The following COL11A1 variants were observed in gnomAD, a reference collection of about 807,000 sequenced individuals.
COL11A1 encodes collagen type XI alpha 1 chain.
Under a neutral mutation model 265.2 loss-of-function variants are expected in COL11A1, and 74 were observed. The ratio of observed to expected loss-of-function variants is 0.28; its 90% confidence interval spans 0.23 to 0.34. The LOEUF (loss-of-function observed/expected upper bound fraction) is 0.34, where lower values mean the gene tolerates loss of function less well. Ranked by LOEUF, COL11A1 falls within the 10% of genes least tolerant of loss-of-function variation. The probability of loss-of-function intolerance (pLI) is 1.00; values close to 1 mark genes in which losing one functional copy is unlikely to be tolerated. For synonymous variants in COL11A1, 816 were observed against 727.6 expected, an observed-to-expected ratio of 1.12 and a Z score of -1.96; for missense variants, 2,165 against 2,263.6, an observed-to-expected ratio of 0.96 and a Z score of 0.88.
chr1:103,090,767 C>A (rs1200371581), intron 1 of COL11A1, among the ~76,000 whole-genome samples: 1 of 152,146 alleles, frequency 6.6e-6, no homozygotes, highest in Non-Finnish European at 1.5e-5. Context: ...TTCTGAACAT[C>A]TTTAATACCA....
intron 4 of COL11A1, among the ~76,000 whole-genome samples, chr1:103,064,007 C>T (rs1361914529): frequency 6.6e-6 from 1 of 151,942 alleles, no homozygotes; most frequent in Admixed American, 6.6e-5. Context: ...AATGAGAAAC[C>T]ACAACATACC....
chr1:102,976,288 G>GTTTTTTTTTTTTTTTTTTT (rs1557893410), intron 35 of COL11A1, among the ~76,000 whole-genome samples: 1 of 45,240 alleles, frequency 2.2e-5, no homozygotes, highest in Non-Finnish European at 5.8e-5. Flanking sequence ...GAAAACGTTG[G>GTTTTTTTTTTTTTTTTTTT]CTTTTTTTTT....
rs199587086 is a variant in COL11A1 at position 102,996,931 on chromosome 1, T to G, written c.2241+149A>C. On this transcript the variant is annotated intron_variant, in intron 26 of 66. Coordinates refer to ENST00000370096, the MANE Select transcript of COL11A1 (RefSeq NM_001854.4). ...AACATAGTCTAATTTCTAAAATTAC[T>G]GATATAAAATTAAAAGTAGTCTAAG... The G allele has an allele frequency of 7.2e-6, 5 of 697,684 alleles. No individual in the cohort carries two copies. The East Asian group carries it at 1.3e-4, about 19-fold the overall frequency. 43.2% of individuals were successfully genotyped at this position (697,684 alleles called of 1,614,324 possible). A position where few individuals can be genotyped will look rare whatever the true frequency, so the allele number is the denominator to read the frequency against.
At chr1:102,994,297 G>A (rs1664415616) in intron 28 of COL11A1, among the ~76,000 whole-genome samples, 1 of 152,132 alleles carries the variant, frequency 6.6e-6, no homozygotes, top group Admixed American at 6.6e-5. Flanking sequence ...CTGGTGGGGG[G>A]TGATAGGATC....
At chr1:103,065,275 C>T (rs1025750055) in intron 4 of COL11A1, among the ~76,000 whole-genome samples, 4 of 152,078 alleles carry the variant, frequency 2.6e-5, no homozygotes, top group Non-Finnish European at 5.9e-5. Flanking sequence ...AATCCCAGCA[C>T]TTTGGGAGGC....
intron 42 of COL11A1, among the ~76,000 whole-genome samples, chr1:102,942,545 A>C (rs1361439446): frequency 7.6e-6 from 1 of 131,668 alleles, no homozygotes; most frequent in East Asian, 3.1e-4. Context: ...TTATTTCACC[A>C]CTTCTAACAT....
At chr1:102,966,117 TATC>T (rs1228766271) in intron 37 of COL11A1, among the ~76,000 whole-genome samples, 3 of 152,216 alleles carry the variant, frequency 2.0e-5, no homozygotes, top group Non-Finnish European at 4.4e-5. Context: ...GTCATTAAAA[TATC>T]ATCTGGTTGA....
At chr1:103,087,203 T>C (rs1176023985) in intron 1 of COL11A1, among the ~76,000 whole-genome samples, 1 of 152,240 alleles carries the variant, frequency 6.6e-6, no homozygotes, top group Non-Finnish European at 1.5e-5. Context: ...ACCATGTGTA[T>C]GCAATTCAGA....
chr1:103,075,691 T>G (rs1671922966), intron 3 of COL11A1, among the ~76,000 whole-genome samples: 1 of 152,082 alleles, frequency 6.6e-6, no homozygotes, highest in African/African-American at 2.4e-5. Flanking sequence ...TATTTTATTT[T>G]TTTTCCAAAT....
At chr1:103,091,376 T>A (rs573024782) in intron 1 of COL11A1, among the ~76,000 whole-genome samples, 2 of 152,172 alleles carry the variant, frequency 1.3e-5, no homozygotes, top group East Asian at 3.9e-4. Flanking sequence ...TAAATGATGA[T>A]GTCACACAAA....
intron 4 of COL11A1, among the ~76,000 whole-genome samples, chr1:103,056,626 A>T (rs1046912752): frequency 2.0e-5 from 3 of 152,062 alleles, no homozygotes; most frequent in Non-Finnish European, 4.4e-5. Context: ...TGTTCTTCTT[A>T]AAAAAAGCAT....
rs532151074 is a variant in COL11A1 at position 102,934,057 on chromosome 1, G to A, written c.3600+392C>T. On this transcript the variant is annotated intron_variant, in intron 46 of 66. Transcript: ENST00000370096. ...GCAGAAATCACCTGTATTCTGCGTCGCTCACGCTGGGAGCTGTAGACTGGA... is the reference window on the plus strand; with the variant it reads ...GCAGAAATCACCTGTATTCTGCGTCACTCACGCTGGGAGCTGTAGACTGGA... Among the ~76,000 whole-genome samples the A allele has an allele frequency of 6.0e-5, 9 of 148,764 alleles. No individual in the cohort carries two copies. The South Asian group carries it at 8.3e-4, about 14-fold the overall frequency.
At chr1:103,064,201 G>A (rs978816035) in intron 4 of COL11A1, among the ~76,000 whole-genome samples, 1 of 151,840 alleles carries the variant, frequency 6.6e-6, no homozygotes, top group East Asian at 1.9e-4. Context: ...ACACTTCTTG[G>A]TATTTATCCA....
chr1:103,027,410 TATATATATATA>T lies in COL11A1; in HGVS notation c.781-1089_781-1079del, dbSNP rs1667620098. ...GTTAAAACTCTAATATATATATATATATATATATATATATATATATATATATATATATATGC... is the reference window on the plus strand; with the variant it reads ...GTTAAAACTCTAATATATATATATATTATATATATATATATATATATATGC... On this transcript the variant is annotated intron_variant, in intron 5 of 66. Transcript: ENST00000370096. 4.5e-4 allele frequency among the ~76,000 whole-genome samples: 8 copies of T among 17,826 alleles called. No homozygotes were observed. The South Asian group carries it at 0.018, about 39-fold the overall frequency. 11.7% of individuals were successfully genotyped at this position (17,826 alleles called of 152,430 possible).
chr1:102,916,025 A>G (rs1655300153), intron 49 of COL11A1, among the ~76,000 whole-genome samples: 2 of 152,214 alleles, frequency 1.3e-5, no homozygotes, highest in Admixed American at 1.3e-4. Flanking sequence ...TCATATTACA[A>G]TAAAGTTTAT....
chr1:103,073,132 C>T (rs1022557374), intron 4 of COL11A1, among the ~76,000 whole-genome samples: 32 of 151,716 alleles, frequency 2.1e-4, no homozygotes, highest in African/African-American at 7.5e-4. Context: ...ATCCTTTCAA[C>T]ATTACTTTTC....
Position 102,877,503 on chromosome 1 carries a change from T to C in COL11A1, c.*516A>G, listed in dbSNP as rs554709369. 6.5e-6 allele frequency: 1 copy of C among 152,980 alleles called. No homozygotes were observed. The highest frequency in any genetic ancestry group is 2.1e-4 in the South Asian group (1 of 4,842). 9.5% of individuals were successfully genotyped at this position (152,980 alleles called of 1,614,324 possible). ...TTAGAGTCATCAGAAATTACAACTTTATTTTTTCATAATACATATATTTAT... is the reference window on the plus strand; with the variant it reads ...TTAGAGTCATCAGAAATTACAACTTCATTTTTTCATAATACATATATTTAT... On this transcript the variant is annotated 3_prime_UTR_variant, in exon 67 of 67. Transcript: ENST00000370096.
intron 62 of COL11A1, 79 bp from the exon 63 acceptor site, chr1:102,887,135 T>C: frequency 6.3e-7 from 1 of 1,580,770 alleles, no homozygotes; most frequent in Non-Finnish European, 8.6e-7. Flanking sequence ...TGGTTATGTT[T>C]TTGTTATAAG....
At chr1:102,913,840 A>G in intron 52 of COL11A1, 150 bp from the exon 53 acceptor site, 1 of 776,042 alleles carries the variant, frequency 1.3e-6, no homozygotes, top group Non-Finnish European at 2.1e-6. Context: ...CTTTTTTAAA[A>G]AGATTGTGGT....
Sources: gnomAD v4.1 joint callset for allele counts (sites outside exome capture counted in the v4.1 genomes callset) on GRCh38, gnomAD v4.1.1 for gene constraint, MANE v1.5 for transcripts, NCBI Gene and HGNC (gene_info 2026-07-23, HGNC 2026-07-21) for gene names.